The following SLC4A4 variants were observed in gnomAD, a reference collection of about 807,000 sequenced individuals.
SLC4A4 encodes the protein electrogenic sodium bicarbonate cotransporter 1.
SLC4A4 carries 27 observed loss-of-function variants against 111.5 expected under a neutral mutation model. That is an observed-to-expected ratio of 0.24 (90% CI 0.18 to 0.33). The LOEUF is 0.33. SLC4A4 is among the 10% of genes least tolerant of loss of function. SLC4A4 has a pLI of 1.00. For synonymous variants in SLC4A4, 443 were observed against 463.4 expected (o/e 0.96, Z 0.57); for missense variants, 909 against 1,315.5 (o/e 0.69, Z 4.78).
At chr4:71,531,794 C>G (rs900766955) in intron 16 of SLC4A4, among the ~76,000 whole-genome samples, 75 of 87,820 alleles carry the variant, frequency 8.5e-4, no homozygotes, top group Middle Eastern at 5.4e-3. Context: ...CACACACACA[C>G]ACACACACAC....
chr4:71,103,853 T>G (rs1676168902), intron 2 of SLC4A4, among the ~76,000 whole-genome samples: 1 of 144,046 alleles, frequency 6.9e-6, no homozygotes. Flanking sequence ...AACATCACAA[T>G]TAAAAGAACT....
At chr4:71,313,713 C>T (rs1318094288) in intron 3 of SLC4A4, among the ~76,000 whole-genome samples, 1 of 152,076 alleles carries the variant, frequency 6.6e-6, no homozygotes, top group Non-Finnish European at 1.5e-5. Flanking sequence ...AACTGGCTAG[C>T]CATATGAAGA....
chr4:71,540,438 A>G (rs1357940168), intron 18 of SLC4A4, among the ~76,000 whole-genome samples: 1 of 152,202 alleles, frequency 6.6e-6, no homozygotes, highest in African/African-American at 2.4e-5. Context: ...CTCTCCTTGT[A>G]CTTAAAATAA....
rs561724490 is a variant in SLC4A4 at position 71,540,989 on chromosome 4, T to C, written c.2443-5361T>C. Among the ~76,000 whole-genome samples, 7 of 152,208 alleles carry C rather than the reference T, an allele frequency of 4.6e-5. No homozygotes were observed. In the South Asian group the frequency reaches 1.5e-3, roughly 32 times the overall value. On this transcript the variant is annotated intron_variant, in intron 18 of 25. Coordinates refer to ENST00000264485, the MANE Select transcript of SLC4A4 (RefSeq NM_001098484.3). ...CTTCAGCATTATTGACAGTTGGAAA[T>C]TTTTTTGTTGGTGGTAGCTTTCCTG... is the stretch of plus-strand genomic sequence containing the variant.
intron 2 of SLC4A4, among the ~76,000 whole-genome samples, chr4:71,101,699 C>A (rs1269011408): frequency 6.6e-6 from 1 of 152,174 alleles, no homozygotes; most frequent in Non-Finnish European, 1.5e-5. Context: ...AACAGACCTG[C>A]AGCTGAAGGT....
intron 16 of SLC4A4, among the ~76,000 whole-genome samples, chr4:71,523,153 T>C (rs1733108630): frequency 6.6e-6 from 1 of 151,742 alleles, no homozygotes. Flanking sequence ...AAAACAGGAG[T>C]AAGAAATAAT....
At chr4:71,301,990 T>C (rs534563362) in intron 3 of SLC4A4, among the ~76,000 whole-genome samples, 1 of 152,348 alleles carries the variant, frequency 6.6e-6, no homozygotes, top group Admixed American at 6.5e-5. Flanking sequence ...TTATTCTCTA[T>C]ATTTGATGTT....
At chr4:71,111,237 C>T (rs112769998) in intron 2 of SLC4A4, among the ~76,000 whole-genome samples, 2 of 152,262 alleles carry the variant, frequency 1.3e-5, no homozygotes, top group African/African-American at 4.8e-5. Context: ...ACTGAATAAA[C>T]GTAGACAACT....
chr4:71,497,757 A>C (rs1730546982), intron 16 of SLC4A4, 65 bp downstream of exon 16: 1 of 1,419,960 alleles, frequency 7.0e-7, no homozygotes, highest in South Asian at 1.2e-5. Context: ...ATACAACTTT[A>C]CAAGGTGAAA....
intron 1 of SLC4A4, among the ~76,000 whole-genome samples, chr4:71,215,357 T>C (rs1718366806): frequency 6.6e-6 from 1 of 152,216 alleles, no homozygotes; most frequent in Admixed American, 6.5e-5. Context: ...AACACCTTAT[T>C]GTCATAATAG....
intron 1 of SLC4A4, among the ~76,000 whole-genome samples, chr4:71,226,735 C>A (rs1275958274): frequency 6.6e-6 from 1 of 152,054 alleles, no homozygotes; most frequent in Non-Finnish European, 1.5e-5. Context: ...TTGAAATACA[C>A]ATTCAGGGCC....
At chr4:71,287,226 A>G (rs944907664) in intron 3 of SLC4A4, among the ~76,000 whole-genome samples, 7 of 152,264 alleles carry the variant, frequency 4.6e-5, no homozygotes, top group African/African-American at 1.7e-4. Flanking sequence ...TCTAGAAAGA[A>G]CAGAAAGCAA....
rs1414116507 is a variant in SLC4A4, at chr4:71,208,443, A to AT, written c.-2+21042_-2+21043insT. Among the ~76,000 whole-genome samples the AT allele has an allele frequency of 4.0e-3, 574 of 144,804 alleles. 5 individuals are homozygous for AT. Among genetic ancestry groups the AT allele is most frequent in the African/African-American group, 0.013 (494 of 39,062 alleles). The allele number at this position is 144,804 out of a possible 152,430, so 95.0% of individuals were successfully genotyped here. A position where few individuals can be genotyped will look rare whatever the true frequency, so the allele number is the denominator to read the frequency against. On this transcript the variant is annotated intron_variant, in intron 1 of 25. Transcript: ENST00000264485. ...GAGACTCCGTCTCAAAAAAAAAAAA[A>AT]ATATATATATATATAATAAAACAAT...
At chr4:71,329,451 A>G (rs1001467458) in intron 3 of SLC4A4, among the ~76,000 whole-genome samples, 1 of 152,308 alleles carries the variant, frequency 6.6e-6, no homozygotes, top group Middle Eastern at 3.4e-3. Flanking sequence ...CTAATTCATG[A>G]ACATGGAATA....
At chr4:71,296,827 T>C (rs963036695) in intron 3 of SLC4A4, among the ~76,000 whole-genome samples, 12 of 152,212 alleles carry the variant, frequency 7.9e-5, no homozygotes, top group African/African-American at 2.9e-4. Context: ...TTCACAGACA[T>C]ACCTGTTTGC....
intron 3 of SLC4A4, among the ~76,000 whole-genome samples, chr4:71,324,514 A>ATTGAGACTACCCCT (rs1284212644): frequency 2.6e-5 from 4 of 152,038 alleles, no homozygotes; most frequent in Non-Finnish European, 4.4e-5. Flanking sequence ...CTGTACCATC[A>ATTGAGACTACCCCT]TTGAGACTAC....
At chr4:71,137,666 G>A (rs1486592907) in intron 2 of SLC4A4, among the ~76,000 whole-genome samples, 1 of 152,228 alleles carries the variant, frequency 6.6e-6, no homozygotes, top group African/African-American at 2.4e-5. Flanking sequence ...AAATTCTCAA[G>A]TGGTTGCTGC....
chr4:71,101,934 G>A (rs879175464), intron 2 of SLC4A4, among the ~76,000 whole-genome samples: 3 of 151,992 alleles, frequency 2.0e-5, no homozygotes, highest in Admixed American at 6.6e-5. Flanking sequence ...TGACTTTGGC[G>A]AGCTGAGAGA....
intron 6 of SLC4A4, among the ~76,000 whole-genome samples, chr4:71,387,762 G>A (rs1718888901): frequency 6.6e-6 from 1 of 152,110 alleles, no homozygotes; most frequent in Non-Finnish European, 1.5e-5. Flanking sequence ...CGAAGCGCTG[G>A]GATTACAAGT....
Sources: gnomAD v4.1 joint callset for allele counts (sites outside exome capture counted in the v4.1 genomes callset) on GRCh38, gnomAD v4.1.1 for gene constraint, MANE v1.5 for transcripts, NCBI Gene and HGNC (gene_info 2026-07-23, HGNC 2026-07-21) for gene names.